ITPR2: variants seen among roughly 807,000 people sequenced by gnomAD.
The protein encoded by ITPR2 is inositol 1,4,5-trisphosphate-gated calcium channel ITPR2.
In ITPR2, 207 loss-of-function variants were observed where a neutral mutation model predicts 317.1. The observed-to-expected ratio is 0.65, with a 90% CI of 0.58 to 0.73. The LOEUF (loss-of-function observed/expected upper bound fraction) is 0.73. ITPR2 is among the 30% of genes least tolerant of loss of function. The probability of loss-of-function intolerance (pLI) is 0.00; values close to 1 mark genes in which losing one functional copy is unlikely to be tolerated. For missense variants in ITPR2, 2,613 were observed against 3,284.0 expected, an observed-to-expected ratio of 0.80 and a Z score of 4.99; for synonymous variants, 1,156 against 1,149.1, an observed-to-expected ratio of 1.01 and a Z score of -0.12.
chr12:26,516,260 A>AGGAAGGGAAG (rs1565574450), intron 37 of ITPR2, among the ~76,000 whole-genome samples: 8,944 of 53,972 alleles, frequency 0.17, 1,919 homozygotes, highest in South Asian at 0.24. Context: ...AGGAAAGGAA[A>AGGAAGGGAAG]GGAAAGGAAA....
At chr12:26,393,449 T>C (rs545544361) in intron 54 of ITPR2, among the ~76,000 whole-genome samples, 4 of 152,358 alleles carry the variant, frequency 2.6e-5, no homozygotes, top group South Asian at 2.1e-4. Flanking sequence ...ATGCTTCTTA[T>C]GTGTTTCTGC....
At chr12:26,536,666 C>T (rs915644849) in intron 37 of ITPR2, among the ~76,000 whole-genome samples, 4 of 150,668 alleles carry the variant, frequency 2.7e-5, no homozygotes, top group African/African-American at 9.7e-5. Context: ...GTGGTGGACT[C>T]TGGAAGAGAG....
At chr12:26,357,086 C>T (rs1938665260) in intron 55 of ITPR2, among the ~76,000 whole-genome samples, 1 of 151,768 alleles carries the variant, frequency 6.6e-6, no homozygotes, top group Non-Finnish European at 1.5e-5. Context: ...TATTCATGGG[C>T]TGCCAGAGCG....
At chr12:26,721,531 T>C (rs1352378224) in intron 5 of ITPR2, among the ~76,000 whole-genome samples, 1 of 152,176 alleles carries the variant, frequency 6.6e-6, no homozygotes, top group Non-Finnish European at 1.5e-5. Flanking sequence ...ATCTTAACTA[T>C]TGATCCCCTG....
intron 41 of ITPR2, among the ~76,000 whole-genome samples, chr12:26,485,467 A>G (rs1942644626): frequency 6.6e-6 from 1 of 152,234 alleles, no homozygotes; most frequent in Non-Finnish European, 1.5e-5. Flanking sequence ...GTCCCTCTGG[A>G]AGCAATGTTT....
At chr12:26,822,224 A>C (rs978441704) in intron 1 of ITPR2, among the ~76,000 whole-genome samples, 1 of 152,224 alleles carries the variant, frequency 6.6e-6, no homozygotes, top group African/African-American at 2.4e-5. Flanking sequence ...TTTTATGATG[A>C]TATTTGTACA....
chr12:26,402,704 A>G (rs1439445610), intron 52 of ITPR2, among the ~76,000 whole-genome samples: 1 of 152,206 alleles, frequency 6.6e-6, no homozygotes, highest in Non-Finnish European at 1.5e-5. Context: ...AGAAGCCTCT[A>G]TGCCCTCAGT....
At chr12:26,698,729 C>T (rs77011364) in intron 9 of ITPR2, among the ~76,000 whole-genome samples, 427 of 152,204 alleles carry the variant, frequency 2.8e-3, no homozygotes, top group Non-Finnish European at 4.9e-3. Context: ...CCAGACTTTC[C>T]CTCAGATTCC....
chr12:26,545,486 A>G (rs1431162133), intron 37 of ITPR2, among the ~76,000 whole-genome samples: 2 of 152,180 alleles, frequency 1.3e-5, no homozygotes, highest in Non-Finnish European at 2.9e-5. Flanking sequence ...CAGAATCCAG[A>G]AAAGGCAAGG....
intron 37 of ITPR2, among the ~76,000 whole-genome samples, chr12:26,501,793 A>G (rs1227790268): frequency 6.6e-6 from 1 of 152,218 alleles, no homozygotes; most frequent in Admixed American, 6.5e-5. Flanking sequence ...TGTGTCAGGA[A>G]GTAGAAAAGT....
intron 10 of ITPR2, among the ~76,000 whole-genome samples, chr12:26,691,044 C>T (rs987533770): frequency 6.6e-6 from 1 of 152,196 alleles, no homozygotes; most frequent in Non-Finnish European, 1.5e-5. Context: ...GTGCTGTAGC[C>T]TTAAGCATTC....
rs772828891 is a variant in ITPR2 at position 26,659,293 on chromosome 12, G to A, written c.1714-8C>T. On this transcript the variant is annotated splice_polypyrimidine_tract_variant and splice_region_variant and intron_variant, in intron 15 of 56. Coordinates refer to ENST00000381340, the MANE Select transcript of ITPR2 (RefSeq NM_002223.4). Reference sequence around the variant, plus strand: ...ATTCTTAGCAATATATTCCTGCAAAGAAGAAAGGCTGTCAGAATGCACTGC... The same window carrying A: ...ATTCTTAGCAATATATTCCTGCAAAAAAGAAAGGCTGTCAGAATGCACTGC... The A allele has an allele frequency of 1.7e-5, 28 of 1,611,888 alleles. No individual in the cohort carries two copies. The highest frequency in any genetic ancestry group is 2.7e-5 in the African/African-American group (2 of 74,888).
intron 9 of ITPR2, among the ~76,000 whole-genome samples, chr12:26,699,280 G>T (rs574692897): frequency 1.3e-4 from 20 of 152,186 alleles, no homozygotes; most frequent in African/African-American, 4.6e-4. Context: ...CAAAGACAAT[G>T]TTACCTTCTA....
intron 26 of ITPR2, among the ~76,000 whole-genome samples, chr12:26,616,802 C>G (rs1279815950): frequency 6.6e-6 from 1 of 152,180 alleles, no homozygotes; most frequent in Non-Finnish European, 1.5e-5. Context: ...CCCCTTCAGA[C>G]AGCAAGACCA....
At chr12:26,722,603 T>A in intron 4 of ITPR2, 48 bp from the exon 5 acceptor site, 1 of 1,373,990 alleles carries the variant, frequency 7.3e-7, no homozygotes, top group Non-Finnish European at 1.0e-6. Context: ...TGTTCTCCTC[T>A]GTTAATTACA....
At chr12:26,810,898 G>A (rs866559656) in intron 1 of ITPR2, among the ~76,000 whole-genome samples, 5 of 151,890 alleles carry the variant, frequency 3.3e-5, no homozygotes, top group Non-Finnish European at 5.9e-5. Flanking sequence ...ACTCCTGGGC[G>A]CAAGCAATCC....
intron 1 of ITPR2, among the ~76,000 whole-genome samples, 169 bp downstream of exon 1, chr12:26,832,521 C>T (rs1411409745): frequency 2.0e-5 from 3 of 152,224 alleles, no homozygotes; most frequent in African/African-American, 7.2e-5. Flanking sequence ...CAGCTTCCTG[C>T]GAGCGGGCGA....
At chr12:26,810,937 A>G (rs574762483) in intron 1 of ITPR2, among the ~76,000 whole-genome samples, 1 of 151,374 alleles carries the variant, frequency 6.6e-6, no homozygotes, top group East Asian at 1.9e-4. Context: ...AAATGCTGGC[A>G]TTACAGGCAT....
intron 2 of ITPR2, among the ~76,000 whole-genome samples, chr12:26,750,915 C>T (rs2137103598): frequency 6.6e-6 from 1 of 152,288 alleles, no homozygotes; most frequent in East Asian, 1.9e-4. Context: ...GAGATATGTA[C>T]AATTACCGTC....
Sources: allele counts gnomAD v4.1 joint callset (sites outside exome capture counted in the v4.1 genomes callset), GRCh38; gene constraint gnomAD v4.1.1; transcripts MANE v1.5; gene names NCBI Gene and HGNC (gene_info 2026-07-23, HGNC 2026-07-21).